The following ITFG1 variants were observed in gnomAD, a reference collection of about 807,000 sequenced individuals.
ITFG1 encodes the protein T-cell immunomodulatory protein.
In ITFG1, 34 loss-of-function variants were observed where a neutral mutation model predicts 81.8. The ratio of observed to expected loss-of-function variants is 0.42; its 90% CI spans 0.32 to 0.55. The LOEUF (loss-of-function observed/expected upper bound fraction) is 0.55. Ranked by LOEUF, ITFG1 falls within the 20% of genes least tolerant of loss-of-function variation. ITFG1 has a pLI of 0.17. For missense variants in ITFG1, 672 were observed against 755.4 expected, an observed-to-expected ratio of 0.89 and a Z score of 1.29; for synonymous variants, 285 against 270.6, an observed-to-expected ratio of 1.05 and a Z score of -0.52.
At chr16:47,393,292 G>T (rs1256695568) in intron 6 of ITFG1, among the ~76,000 whole-genome samples, 2 of 152,122 alleles carry the variant, frequency 1.3e-5, no homozygotes, top group African/African-American at 4.8e-5. Context: ...GGGTGCCTGA[G>T]CCTGTATTCC....
At chr16:47,376,056 T>C in intron 6 of ITFG1, 116 bp from the exon 7 acceptor site, 2 of 563,216 alleles carry the variant, frequency 3.6e-6, no homozygotes, top group South Asian at 2.7e-5. Flanking sequence ...CTTAAACATA[T>C]TTTAAATTAT....
intron 14 of ITFG1, among the ~76,000 whole-genome samples, chr16:47,186,965 T>A (rs546917423): frequency 0.014 from 2,133 of 151,940 alleles, 54 homozygotes; most frequent in African/African-American, 0.049. Context: ...TATACACCAG[T>A]AACAGACAAA....
At chr16:47,225,401 C>G (rs1965745443) in intron 13 of ITFG1, among the ~76,000 whole-genome samples, 1 of 152,044 alleles carries the variant, frequency 6.6e-6, no homozygotes, top group Non-Finnish European at 1.5e-5. Flanking sequence ...TTTAATGCAA[C>G]ATTAACCTGT....
chr16:47,265,668 A>T (rs1966267792), intron 10 of ITFG1, among the ~76,000 whole-genome samples: 2 of 152,200 alleles, frequency 1.3e-5, no homozygotes, highest in South Asian at 4.1e-4. Flanking sequence ...CAACAAAAAG[A>T]CAAAATAGAA....
intron 14 of ITFG1, among the ~76,000 whole-genome samples, chr16:47,181,200 A>G (rs1965108116): frequency 6.8e-6 from 1 of 146,490 alleles, no homozygotes; most frequent in Non-Finnish European, 1.5e-5. Flanking sequence ...CCCATCTGAG[A>G]AGTGAGGAGA....
At chr16:47,378,553 A>G (rs565606390) in intron 6 of ITFG1, among the ~76,000 whole-genome samples, 1 of 152,320 alleles carries the variant, frequency 6.6e-6, no homozygotes, top group South Asian at 2.1e-4. Flanking sequence ...TGCATATTTA[A>G]AGAATTTAGG....
intron 8 of ITFG1, among the ~76,000 whole-genome samples, chr16:47,332,986 A>T (rs1302626572): frequency 1.3e-5 from 2 of 152,218 alleles, no homozygotes; most frequent in Non-Finnish European, 2.9e-5. Context: ...TGTGTTCATA[A>T]GCACTGAATT....
intron 12 of ITFG1, among the ~76,000 whole-genome samples, chr16:47,240,645 A>T (rs910161215): frequency 6.6e-6 from 1 of 152,224 alleles, no homozygotes; most frequent in African/African-American, 2.4e-5. Flanking sequence ...AGGCGGAAGC[A>T]AGCCAAATGT....
chr16:47,213,308 T>C (rs2151524923), intron 14 of ITFG1, among the ~76,000 whole-genome samples: 1 of 152,308 alleles, frequency 6.6e-6, no homozygotes, highest in East Asian at 1.9e-4. Flanking sequence ...GGTTTTTAAA[T>C]TAAAATTTTT....
chr16:47,218,901 C>T lies in ITFG1; in HGVS notation c.1420G>A (p.Val474Ile). The T allele has an allele frequency of 1.2e-6, 2 of 1,600,974 alleles. No individual in the cohort carries two copies. Among genetic ancestry groups the T allele is most frequent in the South Asian group, 1.1e-5 (1 of 89,088 alleles). The change falls in exon 14 of 18, where the codon GTA (valine) becomes ATA (isoleucine). Residue 474 changes from valine to isoleucine, a missense_variant. This residue lies in a region of ITFG1 where 560 missense variants were observed against 625.7 expected (regional missense o/e 0.90). Transcript: ENST00000320640. ...TTTTTCAGATACCCATTTGCATCTA[C>T]AGTTGTATACATGATATAAGGTCCA... ...QPGPYIMYTT[V>I]DANGYLKNGS...
intron 14 of ITFG1, among the ~76,000 whole-genome samples, chr16:47,213,028 C>A (rs907845702): frequency 6.6e-6 from 1 of 152,154 alleles, no homozygotes; most frequent in Non-Finnish European, 1.5e-5. Flanking sequence ...TTCTATTATA[C>A]ACATGCATTG....
At chr16:47,337,552 A>G (rs1225689028) in intron 8 of ITFG1, among the ~76,000 whole-genome samples, 3 of 152,226 alleles carry the variant, frequency 2.0e-5, no homozygotes, top group African/African-American at 7.2e-5. Context: ...CCTGGGTGAC[A>G]GAGTGAGACT....
chr16:47,256,370 C>T (rs1421820872), intron 12 of ITFG1, among the ~76,000 whole-genome samples: 2 of 152,170 alleles, frequency 1.3e-5, no homozygotes, highest in Non-Finnish European at 2.9e-5. Context: ...AATCAAATCC[C>T]AAACTCTTAC....
chr16:47,271,084 T>A (rs1966334007), intron 10 of ITFG1, among the ~76,000 whole-genome samples: 1 of 152,146 alleles, frequency 6.6e-6, no homozygotes, highest in Non-Finnish European at 1.5e-5. Flanking sequence ...TAAAAATACA[T>A]GAAACTCTCA....
intron 8 of ITFG1, among the ~76,000 whole-genome samples, chr16:47,327,097 A>G (rs1267753048): frequency 1.3e-5 from 2 of 152,172 alleles, no homozygotes. Context: ...ACAGTAACCA[A>G]AACAGCATGG....
chr16:47,212,169 T>C (rs1481299921), intron 14 of ITFG1, among the ~76,000 whole-genome samples: 2 of 152,126 alleles, frequency 1.3e-5, no homozygotes, highest in African/African-American at 4.8e-5. Context: ...AACCAGAAAA[T>C]TTTCCTTTTT....
chr16:47,167,241 T>C (rs1964903249), intron 14 of ITFG1, among the ~76,000 whole-genome samples: 1 of 152,178 alleles, frequency 6.6e-6, no homozygotes, highest in Non-Finnish European at 1.5e-5. Flanking sequence ...ATATAAGTTA[T>C]AGTAAGTATC....
At chr16:47,432,223 G>A (rs976674706) in intron 5 of ITFG1, among the ~76,000 whole-genome samples, 1 of 152,178 alleles carries the variant, frequency 6.6e-6, no homozygotes, top group Non-Finnish European at 1.5e-5. Flanking sequence ...CGTTTTCATA[G>A]TAATATGTTC....
At chr16:47,257,467 G>C (rs1966153719) in intron 12 of ITFG1, among the ~76,000 whole-genome samples, 1 of 152,144 alleles carries the variant, frequency 6.6e-6, no homozygotes. Context: ...TCAGGTGGAG[G>C]ATACTACTAG....
Sources: gnomAD v4.1 joint callset for allele counts (sites outside exome capture counted in the v4.1 genomes callset) on GRCh38, gnomAD v4.1.1 for gene constraint, gnomAD v4.1.1 regional missense constraint, MANE v1.5 for transcripts, NCBI Gene and HGNC (gene_info 2026-07-23, HGNC 2026-07-21) for gene names.